Variants in FAT2 observed in about 807,000 individuals in gnomAD.
FAT2 encodes the protein protocadherin Fat 2.
Under a neutral mutation model 295.3 loss-of-function variants are expected in FAT2, and 150 were observed. The ratio of observed to expected loss-of-function variants is 0.51; its 90% CI spans 0.44 to 0.58. The LOEUF (loss-of-function observed/expected upper bound fraction) is 0.58. Among genes scored for constraint, FAT2 ranks in the 20% least tolerant of loss-of-function variants. The pLI is 0.00. For synonymous variants in FAT2, 2,026 were observed against 2,150.3 expected (o/e 0.94, Z 1.60); for missense variants, 4,868 against 5,442.7 (o/e 0.89, Z 3.32).
At chr5:151,565,647 A>ACGGC in intron 2 of FAT2, 26 bp downstream of exon 2, 118 of 1,460,946 alleles carry the variant, frequency 8.1e-5, no homozygotes, top group Middle Eastern at 2.0e-4. Context: ...TGGCCCTGGC[A>ACGGC]CCCCACCCTA....
intron 1 of FAT2, among the ~76,000 whole-genome samples, chr5:151,578,194 A>G (rs1053206309): frequency 2.0e-5 from 3 of 152,158 alleles, no homozygotes; most frequent in Non-Finnish European, 2.9e-5. Context: ...CTTCTTTCAG[A>G]TGGAGAAGAG....
intron 14 of FAT2, among the ~76,000 whole-genome samples, chr5:151,529,764 CA>C (rs1199264840): frequency 6.6e-6 from 1 of 152,208 alleles, no homozygotes; most frequent in Non-Finnish European, 1.5e-5. Context: ...CTCTAATAGG[CA>C]AGTGACTTGT....
chr5:151,534,487 G>A lies in FAT2; in HGVS notation c.9349C>T (p.His3117Tyr). The part of the protein sequence containing the change: ...NDNAPRFFPS[H>Y]CAVAVFDNTT... ...TTGTCGAAGACAGCCACAGCACAGT[G>A]GCTGGGGAAGAACCGCGGGGCATTG... Residue 3117 changes from histidine to tyrosine, a missense_variant, in exon 13 of 24, where the codon CAC becomes TAC. Around this residue, in one of 5 missense-constraint regions of FAT2, gnomAD observed 1,046 missense variants for 1,210.1 expected, o/e 0.86. Transcript: ENST00000261800. 1.2e-6 allele frequency: 2 copies of A among 1,614,082 alleles called. No individual in the cohort carries two copies. Among genetic ancestry groups the A allele is most frequent in the Non-Finnish European group, 1.7e-6 (2 of 1,180,014 alleles).
intron 23 of FAT2, 30 bp downstream of exon 23, chr5:151,507,124 C>T: frequency 4.6e-6 from 7 of 1,522,108 alleles, no homozygotes; most frequent in Non-Finnish European, 6.2e-6. Context: ...CCATCAATCC[C>T]AGAGGCTAAG....
chr5:151,519,869 GACTC>G lies in FAT2; in HGVS notation c.11317+1403_11317+1406del, dbSNP rs563864738. Among the ~76,000 whole-genome samples, 48 of 152,176 alleles carry G rather than the reference GACTC, an allele frequency of 3.2e-4. No individual in the cohort carries two copies. In the South Asian group the frequency reaches 9.8e-3, roughly 31 times the overall value. Reference sequence around the variant, plus strand: ...CTTCAGAATTAAATGCCAATTCTAGGACTCACTCAGAACCTTCTAAATTAAAACC... The same window carrying G: ...CTTCAGAATTAAATGCCAATTCTAGGACTCAGAACCTTCTAAATTAAAACC... On this transcript the variant is annotated intron_variant, in intron 19 of 23. Coordinates refer to ENST00000261800, the MANE Select transcript of FAT2 (RefSeq NM_001447.3).
rs764045107 is a variant in FAT2, at chr5:151,554,559, G to A, written c.3748C>T (p.Arg1250Cys). The change falls in exon 5 of 24, where the codon CGC becomes TGC. Residue 1250 changes from arginine (R) to cysteine (C), a missense_variant. Coordinates refer to ENST00000261800, the MANE Select transcript of FAT2 (RefSeq NM_001447.3). ...ACAGGGCTCAGCCTCTCTGGAAGGC[G>A]GACATTGAAGAGCTTGTGGGAGAAT... ...PIFSHKLFNV[R>C]LPERLSPVSP... The A allele has an allele frequency of 6.8e-6, 11 of 1,614,174 alleles. No individual in the cohort carries two copies. Among genetic ancestry groups the A allele is most frequent in the South Asian group, 2.2e-5 (2 of 91,078 alleles).
chr5:151,581,564 C>T (rs1488218910), intron 1 of FAT2, among the ~76,000 whole-genome samples: 1 of 152,168 alleles, frequency 6.6e-6, no homozygotes, highest in Non-Finnish European at 1.5e-5. Context: ...ATTTATTGAA[C>T]ATTTATTGGG....
chr5:151,520,622 T>TC (rs1326058644), intron 19 of FAT2, among the ~76,000 whole-genome samples: 5 of 152,102 alleles, frequency 3.3e-5, no homozygotes, highest in African/African-American at 4.8e-5. Context: ...TTACGTAATT[T>TC]CCCCCCCGAA....
At chr5:151,515,338 C>T (rs950784419) in intron 20 of FAT2, among the ~76,000 whole-genome samples, 2 of 152,218 alleles carry the variant, frequency 1.3e-5, no homozygotes, top group Non-Finnish European at 2.9e-5. Flanking sequence ...TAATCCTTGG[C>T]CTACTCTCTC....
In FAT2 at chr5:151,528,084, C is replaced by A. The variant is rs867061173; in HGVS notation, c.10076G>T (p.Ser3359Ile). The A allele has an allele frequency of 5.0e-6, 8 of 1,614,104 alleles. No individual in the cohort carries two copies. In the African/African-American group the frequency reaches 1.1e-4, roughly 22 times the overall value. ...CCCAAGCTGGTTCCCTCCTATGAGG[C>A]TATAGGTAATGTCACTATTTAGGGG... ...DGPLNSDITY[S>I]LIGGNQLGHF... Residue 3359 changes from serine to isoleucine, a missense_variant, in exon 16 of 24, where the codon AGC becomes ATC. This residue lies in a region of FAT2 where 1,046 missense variants were observed against 1,210.1 expected (regional missense o/e 0.86). Coordinates refer to ENST00000261800, the MANE Select transcript of FAT2 (RefSeq NM_001447.3).
chr5:151,517,904 G>T, intron 19 of FAT2, 139 bp from the exon 20 acceptor site: 1 of 1,055,628 alleles, frequency 9.5e-7, no homozygotes, highest in Middle Eastern at 2.3e-4. Context: ...TAGGCTGGGT[G>T]TGGGGTGTGC....
Position 151,517,754 on chromosome 5 carries a change from T to G in FAT2, c.11329A>C (p.Arg3777=). The change falls in exon 20 of 24, where the codon AGG becomes CGG. Residue 3777 remains arginine (R), a synonymous_variant. Coordinates refer to ENST00000261800, the MANE Select transcript of FAT2 (RefSeq NM_001447.3). ...RSCSCNGTAT[R]FSGQSYVRYR... is the part of the protein sequence containing the mutation. ...CGCACATAGCTCTGACCACTGAACCTTGTAGCAGTACCTGAGAAAGCAACC... is the reference window on the plus strand; with the variant it reads ...CGCACATAGCTCTGACCACTGAACCGTGTAGCAGTACCTGAGAAAGCAACC... The G allele has an allele frequency of 6.2e-7, 1 of 1,614,160 alleles. No individual in the cohort carries two copies. The highest frequency in any genetic ancestry group is 8.5e-7 in the Non-Finnish European group (1 of 1,180,008).
In FAT2 at chr5:151,512,344, A is replaced by G; in HGVS notation, c.11726T>C (p.Phe3909Ser). Residue 3909 changes from phenylalanine (F) to serine (S), a missense_variant, in exon 21 of 24, where the codon TTT becomes TCT. Coordinates refer to ENST00000261800, the MANE Select transcript of FAT2 (RefSeq NM_001447.3). The surrounding 1 kb of genome is among the most constrained non-coding windows in gnomAD (Gnocchi z 4.1). ...CACGACAGCATCCAGGCAGCCTTCA[A>G]AGCCCTGGGAGACATTCGAGGAAGA... ...LHSSSNVSQG[F>S]EGCLDAVVVN... 1 of 1,614,218 alleles carries G rather than the reference A, an allele frequency of 6.2e-7. No individual in the cohort carries two copies. The highest frequency in any genetic ancestry group is 1.3e-5 in the African/African-American group (1 of 75,048).
chr5:151,591,604 G>A (rs774550018), upstream of FAT2, among the ~76,000 whole-genome samples: 9 of 151,274 alleles, frequency 5.9e-5, no homozygotes, highest in Non-Finnish European at 1.0e-4. Flanking sequence ...AGACCACAAG[G>A]GAACTAGAAA....
rs1446625456 is a variant in FAT2 at position 151,505,374 on chromosome 5, A to T, written c.*191T>A. ...ACCCTAGTGCTGTTTCTGGAGCTCT[A>T]TCCTCAGCTTCCCTCCACCCTCAGG... On this transcript the variant is annotated 3_prime_UTR_variant, in exon 24 of 24. Transcript: ENST00000261800. 1 of 669,212 alleles carries T rather than the reference A, an allele frequency of 1.5e-6. No homozygotes were observed. The highest frequency in any genetic ancestry group is 2.7e-5 in the East Asian group (1 of 36,632). 41.5% of individuals were successfully genotyped at this position (669,212 alleles called of 1,614,324 possible).
chr5:151,517,730 G>C lies in FAT2; in HGVS notation c.11353C>G (p.Arg3785Gly). The change falls in exon 20 of 24, where the codon CGG becomes GGG. Residue 3785 changes from arginine to glycine, a missense_variant. Arg to Gly is a moderately radical substitution (Grantham distance 125). Around this residue, in one of 5 missense-constraint regions of FAT2, gnomAD observed 1,046 missense variants for 1,210.1 expected, o/e 0.86. Coordinates refer to ENST00000261800, the MANE Select transcript of FAT2 (RefSeq NM_001447.3). ...ATRFSGQSYV[R>G]YRAPAARNWH... is the part of the protein sequence containing the mutation. ...TTCCGAGCCGCTGGGGCCCTGTACCGCACATAGCTCTGACCACTGAACCTT... is the reference window on the plus strand; with the variant it reads ...TTCCGAGCCGCTGGGGCCCTGTACCCCACATAGCTCTGACCACTGAACCTT... 1 of 1,614,156 alleles carries C rather than the reference G, an allele frequency of 6.2e-7. No individual in the cohort carries two copies. Among genetic ancestry groups the C allele is most frequent in the South Asian group, 1.1e-5 (1 of 91,072 alleles).
Position 151,531,967 on chromosome 5 carries a change from G to A in FAT2, c.9431C>T (p.Ala3144Val), listed in dbSNP as rs1354320107. The change falls in exon 14 of 24, where the codon GCC becomes GTC. Residue 3144 changes from alanine to valine, a missense_variant. By Grantham distance (64) the Ala-to-Val change is moderately conservative. Around this residue, in one of 5 missense-constraint regions of FAT2, gnomAD observed 1,046 missense variants for 1,210.1 expected, o/e 0.86. Transcript: ENST00000261800. The surrounding 1 kb of genome is among the most constrained non-coding windows in gnomAD (Gnocchi z 5.7). ...CAGAGAGTAAACCACCTGGGCATTG[G>A]CGCCTGGCAGGGAGACCAAGGGTGT... ...VVFARDPDQG[A>V]NAQVVYSLPD... The A allele has an allele frequency of 1.9e-6, 3 of 1,614,062 alleles. No homozygotes were observed. The highest frequency in any genetic ancestry group is 1.7e-6 in the Non-Finnish European group (2 of 1,179,972).
At chr5:151,506,216 C>A in intron 23 of FAT2, 119 bp from the exon 24 acceptor site, 5 of 1,078,060 alleles carry the variant, frequency 4.6e-6, no homozygotes, top group South Asian at 2.1e-5. Context: ...GGGCATAGGC[C>A]CATCTGTGCA....
At chr5:151,535,100 T>C (rs1194284654) in intron 12 of FAT2, among the ~76,000 whole-genome samples, 2 of 151,574 alleles carry the variant, frequency 1.3e-5, no homozygotes, top group African/African-American at 4.8e-5. Context: ...TCATCCTATA[T>C]GTCTTTCAAA....
Sources: allele counts gnomAD v4.1 joint callset (sites outside exome capture counted in the v4.1 genomes callset), GRCh38; gene constraint gnomAD v4.1.1; regional missense constraint gnomAD v4.1.1; non-coding constraint Gnocchi (gnomAD v3.1); transcripts MANE v1.5; gene names NCBI Gene and HGNC (gene_info 2026-07-23, HGNC 2026-07-21).